The following DOCK2 variants were observed in gnomAD, a reference collection of about 807,000 sequenced individuals.
The protein encoded by DOCK2 is dedicator of cytokinesis protein 2.
A neutral mutation model predicts 248.9 loss-of-function variants in DOCK2; 87 were observed. That is an observed-to-expected ratio of 0.35 (90% CI 0.29 to 0.42). DOCK2 has a LOEUF of 0.42. Among genes scored for constraint, DOCK2 ranks in the 10% least tolerant of loss-of-function variants. The probability of loss-of-function intolerance (pLI) is 1.00; values close to 1 mark genes in which losing one functional copy is unlikely to be tolerated. For missense variants in DOCK2, 1,747 were observed against 2,300.2 expected (o/e 0.76, Z 4.92); for synonymous variants, 805 against 821.6 (o/e 0.98, Z 0.35).
In DOCK2 at chr5:169,978,386, T is replaced by G. The variant is rs1457709751; in HGVS notation, c.2800-4682T>G. Among the ~76,000 whole-genome samples, 37 of 16,702 alleles carry G rather than the reference T, an allele frequency of 2.2e-3. 2 individuals carry two copies. The highest frequency in any genetic ancestry group is 2.9e-3 in the Non-Finnish European group (26 of 8,850). The allele number at this position is 16,702 out of a possible 152,430, so 11.0% of individuals were successfully genotyped here. ...TCCTGGCTCTGTGTATGTGTGTGTG[T>G]GTGTGTGGGGGGGGGGGGGTGTAGG... On this transcript the variant is annotated intron_variant, in intron 27 of 51. Coordinates refer to ENST00000520908, the MANE Select transcript of DOCK2 (RefSeq NM_004946.3).
In DOCK2 at chr5:169,911,376, C is replaced by T. The variant is rs891783078; in HGVS notation, c.2799+70524C>T. Among the ~76,000 whole-genome samples, 6 of 152,234 alleles carry T rather than the reference C, an allele frequency of 3.9e-5. No individual in the cohort carries two copies. In the East Asian group the frequency reaches 1.2e-3, roughly 29 times the overall value. ...ACTTCTCTTTTCATGCTATGGCGTT[C>T]ACAGGACATCAGAGCCAGTGGAGCT... On this transcript the variant is annotated intron_variant, in intron 27 of 51. Transcript: ENST00000520908.
At chr5:169,670,384 C>T (rs1030582232) in intron 3 of DOCK2, among the ~76,000 whole-genome samples, 158 bp from the exon 4 acceptor site, 3 of 152,136 alleles carry the variant, frequency 2.0e-5, no homozygotes, top group African/African-American at 7.2e-5. Context: ...TAGAATCCAG[C>T]CCCTGTTCTA....
chr5:169,824,036 A>G (rs192531583), intron 26 of DOCK2, among the ~76,000 whole-genome samples: 17 of 152,352 alleles, frequency 1.1e-4, no homozygotes, highest in African/African-American at 3.8e-4. Context: ...TTCAAAGAGA[A>G]TAAAATACCT....
At chr5:169,814,075 A>G (rs931248023) in intron 26 of DOCK2, among the ~76,000 whole-genome samples, 1 of 152,256 alleles carries the variant, frequency 6.6e-6, no homozygotes, top group Admixed American at 6.5e-5. Flanking sequence ...CAAAAATCTG[A>G]TAGGAAACAG....
At chr5:169,682,448 A>G (rs1759718500) in intron 7 of DOCK2, among the ~76,000 whole-genome samples, 1 of 152,212 alleles carries the variant, frequency 6.6e-6, no homozygotes, top group African/African-American at 2.4e-5. Context: ...GGTGTGGTGA[A>G]CACCAGGGGA....
chr5:169,843,391 A>C (rs1770106542), intron 27 of DOCK2, among the ~76,000 whole-genome samples: 1 of 152,106 alleles, frequency 6.6e-6, no homozygotes, highest in African/African-American at 2.4e-5. Context: ...GTGTGGTGGC[A>C]GGTGCCTGTA....
intron 23 of DOCK2, among the ~76,000 whole-genome samples, chr5:169,756,719 A>T (rs373821911): frequency 6.6e-6 from 1 of 152,134 alleles, no homozygotes; most frequent in Non-Finnish European, 1.5e-5. Context: ...TGAGGTCAGG[A>T]GTTCAAGACC....
At chr5:169,699,692 G>A (rs748722368) in intron 12 of DOCK2, among the ~76,000 whole-genome samples, 2 of 152,184 alleles carry the variant, frequency 1.3e-5, no homozygotes, top group Non-Finnish European at 2.9e-5. Context: ...GAATATCTCC[G>A]GTGTTCCGGG....
intron 27 of DOCK2, among the ~76,000 whole-genome samples, chr5:169,936,491 A>G (rs1255686476): frequency 6.6e-6 from 1 of 152,094 alleles, no homozygotes; most frequent in Non-Finnish European, 1.5e-5. Context: ...TGATTATAAG[A>G]TAATCAAAAT....
intron 27 of DOCK2, among the ~76,000 whole-genome samples, chr5:169,901,161 G>T (rs1352047198): frequency 6.6e-6 from 1 of 152,168 alleles, no homozygotes; most frequent in Non-Finnish European, 1.5e-5. Flanking sequence ...GAGGGATGGT[G>T]GGTGTGATTG....
chr5:169,955,480 G>GT (rs1329420961), intron 27 of DOCK2, among the ~76,000 whole-genome samples: 1 of 152,222 alleles, frequency 6.6e-6, no homozygotes. Flanking sequence ...TCCAAGGCCA[G>GT]TTTGCGGCTT....
chr5:169,704,757 ATATGTGTG>A (rs1475657553), intron 14 of DOCK2, among the ~76,000 whole-genome samples: 12 of 118,264 alleles, frequency 1.0e-4, no homozygotes, highest in Admixed American at 4.6e-4. Flanking sequence ...TACTCCATAT[ATATGTGTG>A]TGTGTGTGTG....
At chr5:169,878,868 C>A (rs1347305858) in intron 27 of DOCK2, among the ~76,000 whole-genome samples, 1 of 152,172 alleles carries the variant, frequency 6.6e-6, no homozygotes, top group Non-Finnish European at 1.5e-5. Flanking sequence ...CCAAAGGATC[C>A]ATTCACCTTT....
At chr5:169,935,367 GGAACCATCGCAGAGGCCTAGAA>G (rs1775939070) in intron 27 of DOCK2, among the ~76,000 whole-genome samples, 7 of 152,120 alleles carry the variant, frequency 4.6e-5, no homozygotes, top group African/African-American at 1.7e-4. Flanking sequence ...CTGCTCCCAT[GGAACCATCGCAGAGGCCTAGAA>G]TGCCCTAGCT....
intron 27 of DOCK2, among the ~76,000 whole-genome samples, chr5:169,918,708 T>A (rs1407251326): frequency 1.3e-5 from 2 of 152,012 alleles, no homozygotes; most frequent in Non-Finnish European, 2.9e-5. Flanking sequence ...AGTTCAGGGG[T>A]TTGAGACCAG....
At chr5:169,655,619 C>T (rs1389287170) in intron 2 of DOCK2, among the ~76,000 whole-genome samples, 1 of 152,230 alleles carries the variant, frequency 6.6e-6, no homozygotes, top group Non-Finnish European at 1.5e-5. Flanking sequence ...TACATGCAAC[C>T]TCTTAGGCAA....
intron 29 of DOCK2, among the ~76,000 whole-genome samples, chr5:169,994,983 C>A (rs1198383420): frequency 2.0e-5 from 3 of 151,634 alleles, no homozygotes; most frequent in Non-Finnish European, 4.4e-5. Flanking sequence ...TGACAAGTAC[C>A]AAAATGTTAA....
At chr5:170,022,993 C>G (rs1755781907) in intron 33 of DOCK2, among the ~76,000 whole-genome samples, 2 of 152,258 alleles carry the variant, frequency 1.3e-5, no homozygotes. Context: ...TGAGTAATCC[C>G]CTTGCCCCGA....
intron 27 of DOCK2, among the ~76,000 whole-genome samples, chr5:169,933,579 A>G (rs748690202): frequency 6.6e-5 from 10 of 152,332 alleles, no homozygotes; most frequent in Middle Eastern, 3.4e-3. Context: ...TTTCAGAAAC[A>G]ATGAATCTTT....
Sources: allele counts gnomAD v4.1 joint callset (sites outside exome capture counted in the v4.1 genomes callset), GRCh38; gene constraint gnomAD v4.1.1; transcripts MANE v1.5; gene names NCBI Gene and HGNC (gene_info 2026-07-23, HGNC 2026-07-21).